Variants in EXOC4 observed in about 807,000 individuals in gnomAD.
EXOC4 encodes exocyst complex component 4.
A neutral mutation model predicts 107.2 loss-of-function variants in EXOC4; 71 were observed. That is an observed-to-expected ratio of 0.66 (90% CI 0.55 to 0.81). The LOEUF (loss-of-function observed/expected upper bound fraction) is 0.81, where lower values mean the gene tolerates loss of function less well. Ranked by LOEUF, EXOC4 falls within the 30% of genes least tolerant of loss-of-function variation. EXOC4 has a pLI of 0.00. For missense variants in EXOC4, 1,108 were observed against 1,189.6 expected (o/e 0.93, Z 1.01); for synonymous variants, 456 against 441.2 (o/e 1.03, Z -0.42).
chr7:133,388,623 A>G (rs1796782895), intron 7 of EXOC4, among the ~76,000 whole-genome samples: 1 of 152,122 alleles, frequency 6.6e-6, no homozygotes, highest in African/African-American at 2.4e-5. Context: ...GCACTCTAGC[A>G]TGGGTGACAG....
chr7:134,086,805 T>G, the EXOC4 span, among the ~76,000 whole-genome samples: 1 of 152,202 alleles, frequency 6.6e-6, no homozygotes, highest in African/African-American at 2.4e-5. Context: ...CAGGGGCTGC[T>G]GGTTACCCAT....
chr7:133,302,898 T>C (rs1261474170), intron 3 of EXOC4, among the ~76,000 whole-genome samples: 1 of 152,214 alleles, frequency 6.6e-6, no homozygotes, highest in East Asian at 1.9e-4. Context: ...TGCAGTAATT[T>C]ATACAATGAC....
intron 9 of EXOC4, among the ~76,000 whole-genome samples, chr7:133,545,815 T>G (rs911737400): frequency 6.6e-6 from 1 of 152,212 alleles, no homozygotes; most frequent in Non-Finnish European, 1.5e-5. Context: ...AGATCTCAGT[T>G]TCATGTGGCA....
intron 14 of EXOC4, among the ~76,000 whole-genome samples, chr7:133,962,655 G>A (rs142753815): frequency 2.4e-3 from 359 of 152,256 alleles, no homozygotes; most frequent in Non-Finnish European, 4.3e-3. Flanking sequence ...TAGCATGCAA[G>A]TTAAACAGAT....
intron 10 of EXOC4, among the ~76,000 whole-genome samples, chr7:133,715,024 T>G (rs757447280): frequency 1.3e-5 from 2 of 152,212 alleles, no homozygotes; most frequent in Non-Finnish European, 2.9e-5. Context: ...CTTCTGTTTT[T>G]TCTTTACTCC....
At chr7:133,499,337 A>G (rs1799535219) in intron 9 of EXOC4, among the ~76,000 whole-genome samples, 1 of 152,196 alleles carries the variant, frequency 6.6e-6, no homozygotes, top group Non-Finnish European at 1.5e-5. Context: ...ATTAAAAGTA[A>G]AAGAAGTTCA....
chr7:133,739,222 T>TTGTGTGTGTGTGTG (rs72444310), intron 10 of EXOC4, among the ~76,000 whole-genome samples: 46 of 142,408 alleles, frequency 3.2e-4, no homozygotes, highest in South Asian at 1.4e-3. Flanking sequence ...GTAGAGGGGT[T>TTGTGTGTGTGTGTG]TGTGTGTGTG....
At chr7:133,581,770 A>T (rs1801280776) in intron 9 of EXOC4, among the ~76,000 whole-genome samples, 1 of 151,534 alleles carries the variant, frequency 6.6e-6, no homozygotes, top group South Asian at 2.1e-4. Context: ...AAAAAAAAAA[A>T]AAAAAAAAAG....
the EXOC4 span, among the ~76,000 whole-genome samples, chr7:134,087,975 G>A: frequency 6.6e-6 from 1 of 152,164 alleles, no homozygotes; most frequent in African/African-American, 2.4e-5. Flanking sequence ...TCTTAGACAA[G>A]ACTTTTTTAG....
intron 11 of EXOC4, among the ~76,000 whole-genome samples, chr7:133,837,275 C>T (rs1212485335): frequency 6.6e-6 from 1 of 152,128 alleles, no homozygotes; most frequent in East Asian, 1.9e-4. Context: ...TAACTTGTGA[C>T]ATGTCTTTGC....
chr7:133,733,688 C>G lies in EXOC4; in HGVS notation c.1515-83637C>G, dbSNP rs536646851. On this transcript the variant is annotated intron_variant, in intron 10 of 17. Coordinates refer to ENST00000253861, the MANE Select transcript of EXOC4 (RefSeq NM_021807.4). Reference sequence around the variant, plus strand: ...TACAGATATATGGCATAAATGTTTTCCTCTTATTGCCTTTCCTTGCCAATT... The same window carrying G: ...TACAGATATATGGCATAAATGTTTTGCTCTTATTGCCTTTCCTTGCCAATT... 5.3e-5 allele frequency: 8 copies of G among 152,228 alleles called. 1 individual carries two copies. Among genetic ancestry groups the G allele is most frequent in the Admixed American group, 1.3e-4 (2 of 15,296 alleles). The allele number at this position is 152,228 out of a possible 1,614,324, so 9.4% of individuals were successfully genotyped here. A position where few individuals can be genotyped will look rare whatever the true frequency, so the allele number is the denominator to read the frequency against.
At chr7:133,806,392 G>A (rs1018948971) in intron 10 of EXOC4, among the ~76,000 whole-genome samples, 1 of 152,234 alleles carries the variant, frequency 6.6e-6, no homozygotes, top group African/African-American at 2.4e-5. Context: ...GAGTTATCAG[G>A]AGGACATCAT....
chr7:134,040,729 T>C (rs1393875046), intron 17 of EXOC4, among the ~76,000 whole-genome samples: 1 of 152,196 alleles, frequency 6.6e-6, no homozygotes, highest in Non-Finnish European at 1.5e-5. Context: ...CTGAGGTAAC[T>C]AAAGCTCAAT....
chr7:133,959,721 GT>G (rs1413257131), intron 14 of EXOC4, among the ~76,000 whole-genome samples: 1 of 151,654 alleles, frequency 6.6e-6, no homozygotes. Flanking sequence ...AAAAATAAAA[GT>G]TTTTCTAGAA....
At chr7:133,350,917 ATT>A (rs1404365097) in intron 5 of EXOC4, among the ~76,000 whole-genome samples, 1 of 152,022 alleles carries the variant, frequency 6.6e-6, no homozygotes, top group Non-Finnish European at 1.5e-5. Context: ...GCTTATATAT[ATT>A]ATAGCTTTCA....
At chr7:133,988,396 C>T (rs1794166970) in intron 14 of EXOC4, among the ~76,000 whole-genome samples, 1 of 152,136 alleles carries the variant, frequency 6.6e-6, no homozygotes. Flanking sequence ...CTTTAACAAT[C>T]TGTTATTATG....
At chr7:133,821,668 G>A (rs957689868) in intron 11 of EXOC4, among the ~76,000 whole-genome samples, 2 of 152,176 alleles carry the variant, frequency 1.3e-5, no homozygotes, top group Non-Finnish European at 2.9e-5. Context: ...GAGAAGAACT[G>A]TCTAAATCCC....
chr7:133,468,123 GAA>G (rs1420915077), intron 7 of EXOC4, among the ~76,000 whole-genome samples: 1 of 151,704 alleles, frequency 6.6e-6, no homozygotes, highest in East Asian at 1.9e-4. Flanking sequence ...TTGAGAAAAA[GAA>G]AAAAAATCAT....
intron 7 of EXOC4, among the ~76,000 whole-genome samples, chr7:133,391,752 A>G (rs1390324826): frequency 6.6e-6 from 1 of 152,224 alleles, no homozygotes; most frequent in Non-Finnish European, 1.5e-5. Flanking sequence ...CATATCAGCA[A>G]AAAGGGGCTC....
Sources: gnomAD v4.1 joint callset for allele counts (sites outside exome capture counted in the v4.1 genomes callset) on GRCh38, gnomAD v4.1.1 for gene constraint, MANE v1.5 for transcripts, NCBI Gene and HGNC (gene_info 2026-07-23, HGNC 2026-07-21) for gene names.